Variants in NMBR observed in about 807,000 individuals in gnomAD.
NMBR encodes the protein neuromedin-B receptor.
A neutral mutation model predicts 20.5 loss-of-function variants in NMBR; 16 were observed. That is an observed-to-expected ratio of 0.78 (90% CI 0.53 to 1.19). The LOEUF is 1.19. Ranked by LOEUF, NMBR falls within the 50% of genes most tolerant of loss-of-function variation. NMBR has a pLI of 0.00. For synonymous variants in NMBR, 212 were observed against 196.6 expected (o/e 1.08, Z -0.65); for missense variants, 582 against 499.1 (o/e 1.17, Z -1.58).
chr6:142,126,174 C>T (rs913536488), intron 1 of NMBR, among the ~76,000 whole-genome samples: 7 of 151,290 alleles, frequency 4.6e-5, no homozygotes, highest in African/African-American at 1.7e-4. Context: ...GCTTATTTCC[C>T]GTCAACATAA....
chr6:142,109,226 C>T (rs979400393), intron 1 of NMBR, among the ~76,000 whole-genome samples: 7 of 152,128 alleles, frequency 4.6e-5, no homozygotes, highest in African/African-American at 1.7e-4. Context: ...TGGCCCCCTT[C>T]TCATAGTTCC....
chr6:142,124,965 A>G lies in NMBR; in HGVS notation c.-664+22079T>C, dbSNP rs545282843. Among the ~76,000 whole-genome samples, 19 of 152,050 alleles carry G rather than the reference A, an allele frequency of 1.2e-4. 1 individual carries two copies. The East Asian group carries it at 1.4e-3, about 11-fold the overall frequency. The stretch of plus-strand genomic sequence containing the variant: ...GGTTAAATCATTTGCCCAAAATAAC[A>G]TGATTGGTTGTTGACCCTTTCTACT... On this transcript the variant is annotated intron_variant, in intron 1 of 3. Coordinates refer to ENST00000258042, the MANE Select transcript of NMBR (RefSeq NM_002511.4).
chr6:142,079,108 A>AAGAGAGAGAGAGAAAGAAAGAT (rs754275458), intron 2 of NMBR, among the ~76,000 whole-genome samples: 1 of 112,184 alleles, frequency 8.9e-6, no homozygotes, highest in Non-Finnish European at 1.7e-5. Flanking sequence ...GAGAGAGAGA[A>AAGAGAGAGAGAGAAAGAAAGAT]AGAAAGAAAG....
At chr6:142,142,412 A>G (rs1170749829) in intron 1 of NMBR, among the ~76,000 whole-genome samples, 13 of 152,336 alleles carry the variant, frequency 8.5e-5, no homozygotes, top group Admixed American at 4.6e-4. Flanking sequence ...TAAAAATAAT[A>G]CATCACATTA....
At position 142,078,854 on chromosome 6, in the gene NMBR, G is replaced by A. The variant is rs1582833877; in HGVS notation, c.472C>T (p.Leu158=). ...PMDMQTSGAL[L]RTCVKAMGIW... ...CCCATGGCCTTCACACAGGTCCGCA[G>A]CAATGCCCCTGACGTCTGCATGTCC... is the stretch of plus-strand genomic sequence containing the variant. Residue 158 remains leucine (L), a synonymous_variant, in exon 3 of 4, where the codon CTG becomes TTG. Transcript: ENST00000258042. The A allele has an allele frequency of 1.2e-6, 2 of 1,613,706 alleles. No individual in the cohort carries two copies. The highest frequency in any genetic ancestry group is 2.2e-5 in the East Asian group (1 of 44,858).
At chr6:142,116,940 C>G (rs1360037630) in intron 1 of NMBR, among the ~76,000 whole-genome samples, 3 of 151,958 alleles carry the variant, frequency 2.0e-5, no homozygotes, top group Non-Finnish European at 4.4e-5. Context: ...TCTGCCACCT[C>G]ACTGAAAATG....
At chr6:142,088,085 T>A in intron 2 of NMBR, 152 bp downstream of exon 2, 1 of 679,534 alleles carries the variant, frequency 1.5e-6, no homozygotes, top group Non-Finnish European at 2.5e-6. Context: ...CTGTTTACTC[T>A]ACTTCCCAGG....
At chr6:142,094,456 G>T (rs1404664381) in intron 1 of NMBR, among the ~76,000 whole-genome samples, 1 of 152,114 alleles carries the variant, frequency 6.6e-6, no homozygotes, top group Non-Finnish European at 1.5e-5. Flanking sequence ...AGATCAGATA[G>T]TTATAGACAT....
intron 1 of NMBR, among the ~76,000 whole-genome samples, chr6:142,121,574 A>T (rs529438701): frequency 2.0e-5 from 3 of 152,082 alleles, no homozygotes; most frequent in Admixed American, 2.0e-4. Flanking sequence ...TAGAAGATCA[A>T]ACTGTAACTC....
intron 1 of NMBR, among the ~76,000 whole-genome samples, chr6:142,137,728 C>A (rs946687689): frequency 6.6e-6 from 1 of 152,012 alleles, no homozygotes. Context: ...TTGTCAAAGG[C>A]CTTTTCTGCA....
At chr6:142,127,211 A>T (rs1207007480) in intron 1 of NMBR, among the ~76,000 whole-genome samples, 2 of 151,892 alleles carry the variant, frequency 1.3e-5, no homozygotes, top group African/African-American at 4.8e-5. Flanking sequence ...CTGCATGTGG[A>T]TATCCAGTTT....
chr6:142,122,853 A>G (rs225595), intron 1 of NMBR, among the ~76,000 whole-genome samples: 52,529 of 151,730 alleles, frequency 0.35, 10,227 homozygotes, highest in Middle Eastern at 0.52. Flanking sequence ...TCCTTTCAAA[A>G]TATTATTGCT....
rs1049083373 is a variant in NMBR at position 142,074,845 on chromosome 6, A to G, written c.*803T>C. ...ATACCTATTTTACATTCATAATGTA[A>G]ATCATATTCATATGATACCTATTTT... On this transcript the variant is annotated 3_prime_UTR_variant, in exon 4 of 4. Transcript: ENST00000258042. Among the ~76,000 whole-genome samples the G allele has an allele frequency of 6.6e-6, 1 of 152,108 alleles. No homozygotes were observed. Among genetic ancestry groups the G allele is most frequent in the Non-Finnish European group, 1.5e-5 (1 of 67,992 alleles).
intron 1 of NMBR, among the ~76,000 whole-genome samples, chr6:142,135,966 G>A (rs1267966608): frequency 6.6e-6 from 1 of 152,038 alleles, no homozygotes; most frequent in Non-Finnish European, 1.5e-5. Context: ...ACGTGTGCAT[G>A]TGTCTTTATA....
chr6:142,088,314 G>A lies in NMBR; in HGVS notation c.345C>T (p.Gly115=), dbSNP rs781414642. 7.6e-5 allele frequency: 123 copies of A among 1,613,996 alleles called. No homozygotes were observed. Among genetic ancestry groups the A allele is most frequent in the Non-Finnish European group, 1.0e-4 (118 of 1,180,054 alleles). ...GCTGGATGACAGGGATCAGTTTGCA[G>A]CCCACCTTGCCAAACATCCACTCGT... ...FFDEWMFGKV[G]CKLIPVIQLT... The change falls in exon 2 of 4, where the codon GGC becomes GGT. Residue 115 remains glycine (G), a synonymous_variant. Transcript: ENST00000258042.
chr6:142,085,701 C>A (rs1179498027), intron 2 of NMBR, among the ~76,000 whole-genome samples: 2 of 152,008 alleles, frequency 1.3e-5, no homozygotes, highest in Non-Finnish European at 2.9e-5. Context: ...GTCTCCACTT[C>A]ACATTGGAAT....
At chr6:142,134,489 T>A (rs865994074) in intron 1 of NMBR, 7 of 476,986 alleles carry the variant, frequency 1.5e-5, no homozygotes, top group African/African-American at 1.2e-4. Flanking sequence ...TAGTTACATA[T>A]TGATTAATTG....
At chr6:142,128,728 T>C (rs953607306) in intron 1 of NMBR, among the ~76,000 whole-genome samples, 1 of 152,012 alleles carries the variant, frequency 6.6e-6, no homozygotes, top group Non-Finnish European at 1.5e-5. Context: ...CCCACTGGTG[T>C]ATTATTCTTC....
chr6:142,075,703 A>C lies in NMBR; in HGVS notation c.1118T>G (p.Val373Gly). The change falls in exon 4 of 4, where the codon GTG becomes GGG. Residue 373 changes from valine (V) to glycine (G), a missense_variant. Physicochemically the swap from Val to Gly is moderately radical, Grantham distance 109 (BLOSUM62 -3). Coordinates refer to ENST00000258042, the MANE Select transcript of NMBR (RefSeq NM_002511.4). ...TSLKSNAKNM[V>G]TNSVLLNGHS... Reference sequence around the variant, plus strand: ...CCCATTTAGTAAAACAGAATTGGTCACCATGTTCTTAGCATTGCTTTTCAG... The same window carrying C: ...CCCATTTAGTAAAACAGAATTGGTCCCCATGTTCTTAGCATTGCTTTTCAG... The C allele has an allele frequency of 6.2e-7, 1 of 1,613,746 alleles. No individual in the cohort carries two copies. Among genetic ancestry groups the C allele is most frequent in the East Asian group, 2.2e-5 (1 of 44,872 alleles).
Sources: gnomAD v4.1 joint callset for allele counts (sites outside exome capture counted in the v4.1 genomes callset) on GRCh38, gnomAD v4.1.1 for gene constraint, MANE v1.5 for transcripts, NCBI Gene and HGNC (gene_info 2026-07-23, HGNC 2026-07-21) for gene names.